NAV2: variants seen among roughly 807,000 people sequenced by gnomAD.
NAV2 encodes the protein neuron navigator 2, also known as helicase, APC down-regulated 1.
Under a neutral mutation model 223.2 loss-of-function variants are expected in NAV2, and 54 were observed. The ratio of observed to expected loss-of-function variants is 0.24; its 90% CI spans 0.19 to 0.30. The LOEUF (loss-of-function observed/expected upper bound fraction) is 0.30. Among genes scored for constraint, NAV2 ranks in the 10% least tolerant of loss-of-function variants. The pLI, the probability that NAV2 is intolerant of heterozygous loss-of-function variation, is 1.00. For synonymous variants in NAV2, 1,279 were observed against 1,239.3 expected (o/e 1.03, Z -0.67); for missense variants, 2,806 against 3,147.5 (o/e 0.89, Z 2.60).
At chr11:19,406,219 T>C (rs1412352219) in intron 1 of NAV2, among the ~76,000 whole-genome samples, 1 of 152,128 alleles carries the variant, frequency 6.6e-6, no homozygotes, top group Non-Finnish European at 1.5e-5. Flanking sequence ...GAGCACACAC[T>C]GTGGACTCAT....
chr11:19,984,080 C>T (rs1175961551), intron 10 of NAV2, 45 bp from the exon 11 acceptor site: 1 of 1,612,908 alleles, frequency 6.2e-7, no homozygotes, highest in South Asian at 1.1e-5. Context: ...CTGGAAGCCA[C>T]TTGCTTTGGA....
intron 1 of NAV2, among the ~76,000 whole-genome samples, chr11:19,807,205 G>A (rs1454794816): frequency 6.6e-6 from 1 of 152,164 alleles, no homozygotes; most frequent in Admixed American, 6.5e-5. Context: ...ATGATAATTT[G>A]CAAAGATAGT....
chr11:19,440,158 A>G (rs1368014987), intron 1 of NAV2, among the ~76,000 whole-genome samples: 3 of 152,212 alleles, frequency 2.0e-5, no homozygotes, highest in Admixed American at 1.3e-4. Flanking sequence ...TGGCTGGTAT[A>G]CCAGATGGAC....
chr11:19,387,306 C>G (rs370270326), intron 1 of NAV2, among the ~76,000 whole-genome samples: 1 of 152,092 alleles, frequency 6.6e-6, no homozygotes, highest in Admixed American at 6.5e-5. Context: ...CTTTCTGTCT[C>G]TGAGATTAGA....
At chr11:19,621,764 G>T (rs147498568) in intron 1 of NAV2, among the ~76,000 whole-genome samples, 2 of 151,790 alleles carry the variant, frequency 1.3e-5, no homozygotes, top group Non-Finnish European at 2.9e-5. Context: ...CTTCAGTTCC[G>T]CTCTGATCTT....
intron 3 of NAV2, among the ~76,000 whole-genome samples, chr11:19,856,742 G>A (rs2061427625): frequency 6.6e-6 from 1 of 152,064 alleles, no homozygotes; most frequent in Admixed American, 6.6e-5. Context: ...CGGACCCATG[G>A]CCTTCATTCT....
chr11:19,986,098 T>C (rs1270259352), intron 11 of NAV2, among the ~76,000 whole-genome samples: 1 of 152,250 alleles, frequency 6.6e-6, no homozygotes, highest in Non-Finnish European at 1.5e-5. Context: ...AGCAGAAGAA[T>C]CTATGCTAGG....
chr11:19,884,256 C>T (rs375080234), intron 5 of NAV2: 132 of 1,473,312 alleles, frequency 9.0e-5, no homozygotes, highest in Non-Finnish European at 1.2e-4. Flanking sequence ...TCTCTCTCCT[C>T]ATTCAGCTCT....
chr11:19,482,324 G>T lies in NAV2; in HGVS notation c.75+131297G>T, dbSNP rs1490776022. On this transcript the variant is annotated intron_variant, in intron 1 of 37. Coordinates refer to the NAV2 transcript ENST00000360655. ...CATGGACCCTTGCTGCTCCTGTGTTGAGCCTCTAGTAATGAGAATATGCTG... is the reference window on the plus strand; with the variant it reads ...CATGGACCCTTGCTGCTCCTGTGTTTAGCCTCTAGTAATGAGAATATGCTG... Among the ~76,000 whole-genome samples, 3 of 152,240 alleles carry T rather than the reference G, an allele frequency of 2.0e-5. No homozygotes were observed. In the East Asian group the frequency reaches 5.8e-4, roughly 29 times the overall value.
At chr11:19,510,620 G>A (rs567215976) in intron 1 of NAV2, among the ~76,000 whole-genome samples, 6 of 152,356 alleles carry the variant, frequency 3.9e-5, no homozygotes, top group East Asian at 1.9e-4. Flanking sequence ...CAGAGCCAGC[G>A]CTTTACCCAG....
chr11:19,700,263 G>C (rs1052663991), intron 1 of NAV2, among the ~76,000 whole-genome samples: 1 of 152,164 alleles, frequency 6.6e-6, no homozygotes, highest in African/African-American at 2.4e-5. Flanking sequence ...TGAGAAACCT[G>C]AGGCACAGAG....
intron 4 of NAV2, 66 bp downstream of exon 4, chr11:19,869,063 AATG>A: frequency 1.4e-6 from 2 of 1,440,380 alleles, no homozygotes; most frequent in South Asian, 2.3e-5. Context: ...GTTACTTATG[AATG>A]ATATTAACAC....
chr11:19,984,785 G>A (rs755260943), intron 11 of NAV2, among the ~76,000 whole-genome samples: 4 of 152,224 alleles, frequency 2.6e-5, no homozygotes, highest in Non-Finnish European at 4.4e-5. Flanking sequence ...TGCCACTGCT[G>A]TCAGGGAAGA....
At chr11:19,978,697 C>T (rs1360624004) in intron 10 of NAV2, 1 of 142,066 alleles carries the variant, frequency 7.0e-6, no homozygotes, top group Non-Finnish European at 1.5e-5. Flanking sequence ...TAGAAATGCA[C>T]TCGACTAGAG....
At chr11:19,621,003 C>G (rs2046976551) in intron 1 of NAV2, among the ~76,000 whole-genome samples, 1 of 152,178 alleles carries the variant, frequency 6.6e-6, no homozygotes, top group Non-Finnish European at 1.5e-5. Flanking sequence ...GCCTTTTCTG[C>G]ATCTATTGAG....
chr11:19,452,223 T>G (rs1016372949), intron 1 of NAV2, among the ~76,000 whole-genome samples: 3 of 152,026 alleles, frequency 2.0e-5, no homozygotes, highest in Non-Finnish European at 4.4e-5. Flanking sequence ...AGAGATCAGT[T>G]GAACTAAAGG....
chr11:19,610,162 A>T (rs1269392566), intron 1 of NAV2, among the ~76,000 whole-genome samples: 1 of 152,212 alleles, frequency 6.6e-6, no homozygotes, highest in Non-Finnish European at 1.5e-5. Context: ...AGAATGGTTG[A>T]ACTCTCAGTT....
intron 1 of NAV2, among the ~76,000 whole-genome samples, chr11:19,459,435 T>G (rs1590242300): frequency 1.3e-5 from 2 of 152,312 alleles, no homozygotes; most frequent in South Asian, 4.1e-4. Flanking sequence ...CAGACTTCAC[T>G]CAGGTGATTT....
intron 10 of NAV2, among the ~76,000 whole-genome samples, chr11:19,968,392 A>T (rs1457042823): frequency 1.3e-5 from 2 of 151,802 alleles, no homozygotes; most frequent in South Asian, 2.1e-4. Flanking sequence ...AATTTTTTGT[A>T]TTTTTTTAGT....
Sources: allele counts gnomAD v4.1 joint callset (sites outside exome capture counted in the v4.1 genomes callset), GRCh38; gene constraint gnomAD v4.1.1; transcripts MANE v1.5; gene names NCBI Gene and HGNC (gene_info 2026-07-23, HGNC 2026-07-21).